LILRB1: variants seen among roughly 807,000 people sequenced by gnomAD.
The protein encoded by LILRB1 is leukocyte immunoglobulin like receptor B1.
LILRB1 carries 59 observed loss-of-function variants against 74.6 expected under a neutral mutation model. That is an observed-to-expected ratio of 0.79 (90% CI 0.64 to 0.98). The LOEUF (loss-of-function observed/expected upper bound fraction) is 0.98, where lower values mean the gene tolerates loss of function less well. LILRB1 is among the 50% of genes least tolerant of loss of function. The pLI, the probability that LILRB1 is intolerant of heterozygous loss-of-function variation, is 0.00. For synonymous variants in LILRB1, 328 were observed against 333.9 expected, an observed-to-expected ratio of 0.98 and a Z score of 0.19; for missense variants, 804 against 822.6, an observed-to-expected ratio of 0.98 and a Z score of 0.28.
rs907888581 is a variant in LILRB1 at position 54,634,438 on chromosome 19, T to C, written c.1364-203T>C. 7 of 1,519,242 alleles carry C rather than the reference T, an allele frequency of 4.6e-6. No homozygotes were observed. The Admixed American group carries it at 5.9e-5, about 13-fold the overall frequency. The allele number at this position is 1,519,242 out of a possible 1,614,324, so 94.1% of individuals were successfully genotyped here. Reference sequence around the variant, plus strand: ...TGGGCTTCCTTCCCAGCTCTGCCGCTTCCTGGCTGGGGGCCCCGGGCAGGC... The same window carrying C: ...TGGGCTTCCTTCCCAGCTCTGCCGCCTCCTGGCTGGGGGCCCCGGGCAGGC... On this transcript the variant is annotated intron_variant, in intron 9 of 14. Coordinates refer to ENST00000324602, the MANE Select transcript of LILRB1 (RefSeq NM_001081637.3).
intron 2 of LILRB1, 41 bp from the exon 3 acceptor site, chr19:54,631,230 G>T (rs1568579651): frequency 6.2e-6 from 10 of 1,614,000 alleles, no homozygotes; most frequent in Non-Finnish European, 8.5e-6. Context: ...GACCTGCCCA[G>T]GCTTCAGGGG....
At chr19:54,623,539 ATCT>A (rs1406794974) in intron 1 of LILRB1, among the ~76,000 whole-genome samples, 7 of 151,976 alleles carry the variant, frequency 4.6e-5, no homozygotes, top group African/African-American at 1.7e-4. Context: ...GCTTATTTAA[ATCT>A]TCTCCTTTTT....
At chr19:54,627,142 G>A (rs1334533056), upstream of LILRB1, among the ~76,000 whole-genome samples, 2 of 152,188 alleles carry the variant, frequency 1.3e-5, no homozygotes, top group African/African-American at 2.4e-5. Context: ...TGCTCTGTGG[G>A]TTGGACAGAT....
At chr19:54,635,216 C>G in intron 11 of LILRB1, 37 bp downstream of exon 11, 1 of 1,610,484 alleles carries the variant, frequency 6.2e-7, no homozygotes. Flanking sequence ...CCCACCTGCT[C>G]GTGGCCCATA....
At position 54,636,873 on chromosome 19, in the gene LILRB1, C is replaced by T; in HGVS notation, c.1954C>T (p.His652Tyr). The T allele has an allele frequency of 6.2e-7, 1 of 1,613,332 alleles. No individual in the cohort carries two copies. The highest frequency in any genetic ancestry group is 8.5e-7 in the Non-Finnish European group (1 of 1,179,414). Residue 652 changes from histidine to tyrosine, a missense_variant, in exon 15 of 15, where the codon CAC becomes TAC. Coordinates refer to ENST00000324602, the MANE Select transcript of LILRB1 (RefSeq NM_001081637.3). ...CAGCATCTACGCCACTCTGGCCATC[C>T]ACTAGCCCAGGGGGGGACGCAGACC... Reference protein sequence around the residue: ...VPSIYATLAIH With the variant: ...VPSIYATLAIY
At chr19:54,631,875 C>T (rs2063895290) in intron 4 of LILRB1, 60 bp from the exon 5 acceptor site, 1 of 1,606,850 alleles carries the variant, frequency 6.2e-7, no homozygotes, top group Non-Finnish European at 8.5e-7. Context: ...CACAGCCCAG[C>T]CCTGGGGATG....
chr19:54,617,479 A>G (rs967773136), intron 1 of LILRB1: 11 of 151,432 alleles, frequency 7.3e-5, no homozygotes, highest in African/African-American at 2.7e-4. Flanking sequence ...TTTAGATCCA[A>G]ATTTTTTTTG....
At position 54,632,458 on chromosome 19, in the gene LILRB1, T is replaced by A; in HGVS notation, c.662-6T>A. ...GCTCCTGGAAACCATGACCACCTTTTCCCAGGTGTTTCTAAGAAGCCATCA... is the reference window on the plus strand; with the variant it reads ...GCTCCTGGAAACCATGACCACCTTTACCCAGGTGTTTCTAAGAAGCCATCA... On this transcript the variant is annotated splice_region_variant and splice_polypyrimidine_tract_variant and intron_variant, in intron 5 of 14. Coordinates refer to ENST00000324602, the MANE Select transcript of LILRB1 (RefSeq NM_001081637.3). The A allele has an allele frequency of 6.3e-7, 1 of 1,595,810 alleles. No individual in the cohort carries two copies. The highest frequency in any genetic ancestry group is 2.2e-5 in the East Asian group (1 of 44,608).
At chr19:54,633,515 C>T in intron 7 of LILRB1, 123 bp from the exon 8 acceptor site, 2 of 1,210,838 alleles carry the variant, frequency 1.7e-6, no homozygotes, top group Non-Finnish European at 2.3e-6. Flanking sequence ...GCATCATGGA[C>T]AGGAGAGGCG....
intron 12 of LILRB1, 69 bp from the exon 13 acceptor site, chr19:54,635,488 G>A (rs1367777690): frequency 6.4e-7 from 1 of 1,567,960 alleles, no homozygotes; most frequent in African/African-American, 1.4e-5. Flanking sequence ...GAGCTGAGCA[G>A]GGGCTGGCAG....
chr19:54,635,468 C>G, intron 12 of LILRB1, 89 bp from the exon 13 acceptor site: 1 of 1,539,874 alleles, frequency 6.5e-7, no homozygotes, highest in African/African-American at 1.4e-5. Context: ...ATCTCAGTGG[C>G]CCCATCTGGG....
At position 54,633,060 on chromosome 19, in the gene LILRB1, A is replaced by G. The variant is rs1256286472; in HGVS notation, c.1003A>G (p.Thr335Ala). The change falls in exon 7 of 15, where the codon ACG becomes GCG. Residue 335 changes from threonine to alanine, a missense_variant. Physicochemically the swap from Thr to Ala is moderately conservative, Grantham distance 58. Coordinates refer to ENST00000324602, the MANE Select transcript of LILRB1 (RefSeq NM_001081637.3). ...CTCCCTCTCGGTGCAGCCGGGCCCCACGGTGGCCTCAGGAGAGAACGTGAC... is the reference window on the plus strand; with the variant it reads ...CTCCCTCTCGGTGCAGCCGGGCCCCGCGGTGGCCTCAGGAGAGAACGTGAC... ...RVSLSVQPGP[T>A]VASGENVTLL... is the part of the protein sequence containing the mutation. 1.9e-6 allele frequency: 3 copies of G among 1,613,850 alleles called. No homozygotes were observed. Among genetic ancestry groups the G allele is most frequent in the African/African-American group, 1.3e-5 (1 of 75,000 alleles).
At chr19:54,634,839 C>G in intron 10 of LILRB1, 76 bp downstream of exon 10, 1 of 1,566,954 alleles carries the variant, frequency 6.4e-7, no homozygotes. Flanking sequence ...ATCCAAACCA[C>G]TGGGCAAATG....
chr19:54,630,975 A>G, intron 1 of LILRB1, 51 bp from the exon 2 acceptor site: 1 of 1,613,896 alleles, frequency 6.2e-7, no homozygotes, highest in Non-Finnish European at 8.5e-7. Context: ...CATGAGAAGA[A>G]GGACCCAGCC....
chr19:54,626,144 C>G (rs577513818), upstream of LILRB1, among the ~76,000 whole-genome samples: 6 of 152,334 alleles, frequency 3.9e-5, no homozygotes, highest in African/African-American at 1.4e-4. Context: ...CAGCCCTTTC[C>G]ATTCAGCCAA....
chr19:54,617,585 GT>G (rs1016605830), intron 1 of LILRB1, among the ~76,000 whole-genome samples: 4,907 of 149,936 alleles, frequency 0.033, 89 homozygotes, highest in South Asian at 0.05. Flanking sequence ...GTGTGTGTGT[GT>G]GTGGTGTGTG....
At chr19:54,634,326 G>C in intron 9 of LILRB1, 1 of 1,540,920 alleles carries the variant, frequency 6.5e-7, no homozygotes. Context: ...GAGGGGAGAA[G>C]AGTCATGGTT....
rs540151068 is a variant in LILRB1, at chr19:54,631,519, C to A, written c.90C>A (p.Thr30=). Residue 30 remains threonine (T), a synonymous_variant, in exon 4 of 15, where the codon ACC becomes ACA. Transcript: ENST00000324602. The part of the protein sequence containing the change: ...HVQAGHLPKP[T]LWAEPGSVIT... The stretch of plus-strand genomic sequence containing the variant: ...TTCCAGGGCACCTCCCCAAGCCCAC[C>A]CTCTGGGCTGAACCAGGCTCTGTGA... The A allele has an allele frequency of 4.7e-5, 76 of 1,613,310 alleles. No individual in the cohort carries two copies. In the East Asian group the frequency reaches 4.9e-4, roughly 10 times the overall value.
At chr19:54,623,144 T>A (rs984698246) in intron 1 of LILRB1, among the ~76,000 whole-genome samples, 2 of 152,198 alleles carry the variant, frequency 1.3e-5, no homozygotes, top group African/African-American at 4.8e-5. Flanking sequence ...TGGATCCCTG[T>A]CTGATTTTGC....
Sources: allele counts gnomAD v4.1 joint callset (sites outside exome capture counted in the v4.1 genomes callset), GRCh38; gene constraint gnomAD v4.1.1; transcripts MANE v1.5; gene names NCBI Gene and HGNC (gene_info 2026-07-23, HGNC 2026-07-21).